The following PCDHA9 variants were observed in gnomAD, a reference collection of about 807,000 sequenced individuals.
The protein encoded by PCDHA9 is protocadherin alpha-9.
PCDHA9 carries 62 observed loss-of-function variants against 62.0 expected under a neutral mutation model. The ratio of observed to expected loss-of-function variants is 1.00; its 90% CI spans 0.81 to 1.23. PCDHA9 has a LOEUF of 1.23. PCDHA9 is among the 50% of genes most tolerant of loss of function. PCDHA9 has a pLI of 0.00. For missense variants in PCDHA9, 1,205 were observed against 1,249.8 expected, an observed-to-expected ratio of 0.96 and a Z score of 0.54; for synonymous variants, 557 against 567.6, an observed-to-expected ratio of 0.98 and a Z score of 0.27.
rs116577362 is a variant in PCDHA9 at position 140,863,312 on chromosome 5, T to G, written c.2394+12423T>G. On this transcript the variant is annotated intron_variant, in intron 1 of 3. Transcript: ENST00000532602. ...TACCTGATCATCGCCATCTGCGTGGTGTCCAGCCTGTTAGTGCTCACGTTG... is the reference window on the plus strand; with the variant it reads ...TACCTGATCATCGCCATCTGCGTGGGGTCCAGCCTGTTAGTGCTCACGTTG... 14,488 of 1,456,150 alleles carry G rather than the reference T, an allele frequency of 9.9e-3. 118 individuals are homozygous for G. The highest frequency in any genetic ancestry group is 0.011 in the Non-Finnish European group (11,650 of 1,073,394). 90.2% of individuals were successfully genotyped at this position (1,456,150 alleles called of 1,614,324 possible). A position where few individuals can be genotyped will look rare whatever the true frequency, so the allele number is the denominator to read the frequency against.
At chr5:140,905,635 A>T (rs2071990855) in intron 1 of PCDHA9, among the ~76,000 whole-genome samples, 1 of 152,206 alleles carries the variant, frequency 6.6e-6, no homozygotes, top group Non-Finnish European at 1.5e-5. Context: ...CAGTATGGTC[A>T]GTTTCACAGT....
Position 140,876,841 on chromosome 5 carries a change from C to T in PCDHA9, c.2394+25952C>T, listed in dbSNP as rs782712356. ...GAACGACAATGCGCCTGCGTTCGCGCAGCCCGAGTACACAGTGTTCGTGAA... is the reference window on the plus strand; with the variant it reads ...GAACGACAATGCGCCTGCGTTCGCGTAGCCCGAGTACACAGTGTTCGTGAA... On this transcript the variant is annotated intron_variant, in intron 1 of 3. Transcript: ENST00000532602. 4.3e-6 allele frequency: 7 copies of T among 1,614,130 alleles called. No homozygotes were observed. In the South Asian group the frequency reaches 7.7e-5, roughly 18 times the overall value.
At chr5:140,924,894 C>CAA (rs782133089) in intron 1 of PCDHA9, among the ~76,000 whole-genome samples, 44 of 71,514 alleles carry the variant, frequency 6.2e-4, no homozygotes, top group African/African-American at 1.3e-3. Flanking sequence ...GAACCTGTCT[C>CAA]AAAAAAAAAA....
rs1320203097 is a variant in PCDHA9 at position 140,848,970 on chromosome 5, G to C, written c.475G>C (p.Asp159His). ...TCGGTTTCCACTAGAGGGCGCGTCC[G>C]ATGCAGATATCGGGGAGAACGCCCT... ...DSRFPLEGAS[D>H]ADIGENALLT... The change falls in exon 1 of 4, where the codon GAT (aspartate) becomes CAT (histidine). Residue 159 changes from aspartate to histidine, a missense_variant. Asp to His is a moderately conservative substitution (Grantham distance 81). Around this residue, in one of 3 missense-constraint regions of PCDHA9, gnomAD observed 208 missense variants for 213.2 expected, o/e 0.98. Transcript: ENST00000532602. 3.7e-5 allele frequency: 60 copies of C among 1,602,546 alleles called. 1 individual carries two copies. The highest frequency in any genetic ancestry group is 5.0e-5 in the Non-Finnish European group (59 of 1,173,282).
chr5:140,928,570 C>T (rs2085340367), intron 1 of PCDHA9: 1 of 1,614,196 alleles, frequency 6.2e-7, no homozygotes, highest in African/African-American at 1.3e-5. Context: ...GTTTCCCTTG[C>T]CCAGAAATGG....
chr5:140,879,475 A>G (rs567061434), intron 1 of PCDHA9, among the ~76,000 whole-genome samples: 1 of 152,326 alleles, frequency 6.6e-6, no homozygotes, highest in Non-Finnish European at 1.5e-5. Flanking sequence ...TACCGTTGTG[A>G]TTGGAAATAT....
intron 1 of PCDHA9, chr5:140,883,443 A>AT (rs1554178222): frequency 6.2e-7 from 1 of 1,614,136 alleles, no homozygotes; most frequent in Admixed American, 1.7e-5. Flanking sequence ...TTGACGCCGC[A>AT]TGTCCCCTTC....
intron 1 of PCDHA9, chr5:140,966,880 C>T (rs1554228837): frequency 1.3e-6 from 2 of 1,588,288 alleles, no homozygotes; most frequent in Admixed American, 3.5e-5. Flanking sequence ...TGCTACCTGG[C>T]CCTGCGGCCT....
At chr5:140,884,373 T>C (rs1554181483) in intron 1 of PCDHA9, 2 of 1,613,958 alleles carry the variant, frequency 1.2e-6, no homozygotes, top group South Asian at 2.2e-5. Context: ...TACTTGATCA[T>C]TGCCATCTGC....
Position 140,858,304 on chromosome 5 carries a change from G to A in PCDHA9, c.2394+7415G>A, listed in dbSNP as rs1370473412. 5 of 1,597,320 alleles carry A rather than the reference G, an allele frequency of 3.1e-6. No homozygotes were observed. In the African/African-American group the frequency reaches 6.7e-5, roughly 21 times the overall value. ...GGAGCTGGTCTTACTCGCAGCAGAG[G>A]CGGCAGAGGGTGTGTTCTGGGGAGG... On this transcript the variant is annotated intron_variant, in intron 1 of 3. Transcript: ENST00000532602.
chr5:140,871,184 A>T, intron 1 of PCDHA9: 1 of 1,613,552 alleles, frequency 6.2e-7, no homozygotes, highest in Non-Finnish European at 8.5e-7. Flanking sequence ...GCGCTGGTGG[A>T]TGTCAACGTG....
chr5:140,955,647 T>G (rs1395732517), intron 1 of PCDHA9, among the ~76,000 whole-genome samples: 1 of 152,116 alleles, frequency 6.6e-6, no homozygotes, highest in Non-Finnish European at 1.5e-5. Context: ...AACAAATTAA[T>G]ACACATATGA....
intron 1 of PCDHA9, among the ~76,000 whole-genome samples, chr5:140,978,211 A>T (rs185344384): frequency 1.3e-5 from 2 of 152,340 alleles, no homozygotes; most frequent in African/African-American, 4.8e-5. Flanking sequence ...AACTAATGCA[A>T]AATGTATCAG....
intron 1 of PCDHA9, among the ~76,000 whole-genome samples, chr5:140,878,493 C>A (rs1339637878): frequency 6.6e-6 from 1 of 152,008 alleles, no homozygotes; most frequent in Non-Finnish European, 1.5e-5. Context: ...AATATTTAAC[C>A]ATCTGTACGA....
chr5:140,858,273 C>G, intron 1 of PCDHA9: 1 of 1,596,972 alleles, frequency 6.3e-7, no homozygotes, highest in Non-Finnish European at 8.6e-7. Context: ...TGCTCTAGCG[C>G]GGTGGGGAGC....
chr5:140,984,754 A>G (rs2097118359), intron 3 of PCDHA9, among the ~76,000 whole-genome samples: 1 of 152,158 alleles, frequency 6.6e-6, no homozygotes, highest in Admixed American at 6.5e-5. Context: ...ATTTGAGTTG[A>G]ATTCTAATCC....
chr5:140,971,115 G>A (rs1409733667), intron 1 of PCDHA9, among the ~76,000 whole-genome samples: 1 of 152,146 alleles, frequency 6.6e-6, no homozygotes, highest in Non-Finnish European at 1.5e-5. Flanking sequence ...GGATTGGGGT[G>A]GGCTACAGGT....
chr5:141,003,167 C>T (rs1160809977), intron 3 of PCDHA9, among the ~76,000 whole-genome samples: 1 of 152,180 alleles, frequency 6.6e-6, no homozygotes, highest in Non-Finnish European at 1.5e-5. Context: ...AATCCTAGTC[C>T]CTGAGGCTCA....
In PCDHA9 at chr5:140,968,789, G is replaced by A. The variant is rs782339889; in HGVS notation, c.2395-10160G>A. 16 of 1,614,060 alleles carry A rather than the reference G, an allele frequency of 9.9e-6. No individual in the cohort carries two copies. In the African/African-American group the frequency reaches 1.7e-4, roughly 18 times the overall value. On this transcript the variant is annotated intron_variant, in intron 1 of 3. Transcript: ENST00000532602. The stretch of plus-strand genomic sequence containing the variant: ...AGAGCCATCACTATCAGCCTCTGTG[G>A]CCATTACAGTAGCTGTGGTGGATAG...
Sources: gnomAD v4.1 joint callset for allele counts (sites outside exome capture counted in the v4.1 genomes callset) on GRCh38, gnomAD v4.1.1 for gene constraint, gnomAD v4.1.1 regional missense constraint, MANE v1.5 for transcripts, NCBI Gene and HGNC (gene_info 2026-07-23, HGNC 2026-07-21) for gene names.